The following KATNIP variants were observed in gnomAD, a reference collection of about 807,000 sequenced individuals.
KATNIP encodes katanin-interacting protein.
In KATNIP, 126 loss-of-function variants were observed where a neutral mutation model predicts 174.0. The ratio of observed to expected loss-of-function variants is 0.72; its 90% CI spans 0.63 to 0.84. KATNIP has a LOEUF of 0.84. Among genes scored for constraint, KATNIP ranks in the 40% least tolerant of loss-of-function variants. The probability of loss-of-function intolerance (pLI) is 0.00; values close to 1 mark genes in which losing one functional copy is unlikely to be tolerated. For missense variants in KATNIP, 1,958 were observed against 2,109.7 expected, an observed-to-expected ratio of 0.93 and a Z score of 1.41; for synonymous variants, 810 against 835.7, an observed-to-expected ratio of 0.97 and a Z score of 0.53.
intron 18 of KATNIP, among the ~76,000 whole-genome samples, chr16:27,757,711 T>C (rs2081790586): frequency 6.6e-6 from 1 of 152,212 alleles, no homozygotes; most frequent in African/African-American, 2.4e-5. Flanking sequence ...TCTGCATCTC[T>C]TCTCTCTGAA....
chr16:27,732,052 A>G (rs1250433631), intron 14 of KATNIP, among the ~76,000 whole-genome samples: 3 of 152,234 alleles, frequency 2.0e-5, no homozygotes, highest in Non-Finnish European at 2.9e-5. Flanking sequence ...GAGGCCAGAA[A>G]TGCACTTTGT....
At chr16:27,591,836 C>T (rs1475238078) in intron 2 of KATNIP, among the ~76,000 whole-genome samples, 1 of 152,202 alleles carries the variant, frequency 6.6e-6, no homozygotes, top group East Asian at 1.9e-4. Flanking sequence ...CTGTCTTTTG[C>T]CTCCTGAACT....
Position 27,776,863 on chromosome 16 carries a change from C to A in KATNIP, c.4450-65C>A. On this transcript the variant is annotated intron_variant, in intron 24 of 27. Coordinates refer to ENST00000261588, the MANE Select transcript of KATNIP (RefSeq NM_015202.5). This position sits in a 1 kb window ranked among gnomAD's most constrained non-coding sequence, Gnocchi z 4.7. ...CTCACCCCAGCCCACGCCTGGCACCCCCAGCCCAGCCAAGCGCCTCTGTTT... is the reference window on the plus strand; with the variant it reads ...CTCACCCCAGCCCACGCCTGGCACCACCAGCCCAGCCAAGCGCCTCTGTTT... The A allele has an allele frequency of 1.6e-6, 2 of 1,233,326 alleles. No homozygotes were observed. The highest frequency in any genetic ancestry group is 2.4e-6 in the Non-Finnish European group (2 of 837,066). 76.4% of individuals were successfully genotyped at this position (1,233,326 alleles called of 1,614,324 possible). A position where few individuals can be genotyped will look rare whatever the true frequency, so the allele number is the denominator to read the frequency against.
intron 15 of KATNIP, among the ~76,000 whole-genome samples, chr16:27,749,136 G>GCGCTC (rs2081396848): frequency 6.6e-6 from 1 of 152,214 alleles, no homozygotes; most frequent in South Asian, 2.1e-4. Flanking sequence ...CTACAGTGGG[G>GCGCTC]AGCGACTCCT....
At position 27,776,599 on chromosome 16, in the gene KATNIP, A is replaced by G. The variant is rs75110383; in HGVS notation, c.4450-329A>G. Among the ~76,000 whole-genome samples the G allele has an allele frequency of 1.6e-4, 24 of 152,116 alleles. No individual in the cohort carries two copies. In the East Asian group the frequency reaches 4.6e-3, roughly 29 times the overall value. On this transcript the variant is annotated intron_variant, in intron 24 of 27. Transcript: ENST00000261588. The surrounding 1 kb of genome is among the most constrained non-coding windows in gnomAD (Gnocchi z 4.7). ...GTCCCTTTAGCTCATGGGGCTCTAG[A>G]CTATTTCTGGGCCTGACCTGAGGGG... is the stretch of plus-strand genomic sequence containing the variant.
At chr16:27,571,325 GA>G (rs984993806) in intron 1 of KATNIP, among the ~76,000 whole-genome samples, 1 of 152,054 alleles carries the variant, frequency 6.6e-6, no homozygotes, top group Non-Finnish European at 1.5e-5. Context: ...GAGCCACCAC[GA>G]CTGGCCACAT....
intron 2 of KATNIP, 102 bp downstream of exon 2, chr16:27,574,058 T>C (rs955758725): frequency 1.9e-6 from 2 of 1,027,118 alleles, no homozygotes; most frequent in African/African-American, 1.6e-5. Context: ...CTCTTTTCTC[T>C]TGGGGTCCCA....
chr16:27,608,177 G>GT (rs1026279535), intron 2 of KATNIP, among the ~76,000 whole-genome samples: 10 of 139,510 alleles, frequency 7.2e-5, no homozygotes, highest in East Asian at 2.2e-4. Context: ...TCCAATTCTA[G>GT]TTTTTTTTTC....
chr16:27,660,386 T>C (rs2077433643), intron 6 of KATNIP, among the ~76,000 whole-genome samples: 2 of 152,086 alleles, frequency 1.3e-5, no homozygotes, highest in Non-Finnish European at 2.9e-5. Context: ...CCGTCTCTAT[T>C]AAAAATACAA....
At chr16:27,665,122 GGTT>G (rs937883160) in intron 6 of KATNIP, among the ~76,000 whole-genome samples, 3 of 150,730 alleles carry the variant, frequency 2.0e-5, no homozygotes, top group African/African-American at 4.9e-5. Flanking sequence ...GTTCTCCGGA[GGTT>G]GTTTTTTTTT....
At chr16:27,597,070 G>A (rs962312878) in intron 2 of KATNIP, among the ~76,000 whole-genome samples, 7 of 151,998 alleles carry the variant, frequency 4.6e-5, no homozygotes, top group Non-Finnish European at 1.0e-4. Context: ...GGTGCGTGCT[G>A]TGGTCCCAGC....
In KATNIP at chr16:27,701,671, A is replaced by C. The variant is rs1287539738; in HGVS notation, c.1262A>C (p.Asp421Ala). The change falls in exon 11 of 28, where the codon GAC becomes GCC. Residue 421 changes from aspartate to alanine, a missense_variant. Transcript: ENST00000261588. ...GCCAGGGCCATCAACCAGGCCATGG[A>C]CAGAATTGGGCTTCTGGGAAGCAGG... Reference protein sequence around the residue: ...GGARAINQAMDRIGLLGSRQQ... With the variant: ...GGARAINQAMARIGLLGSRQQ... 2.5e-6 allele frequency: 4 copies of C among 1,605,934 alleles called. No homozygotes were observed.
chr16:27,662,072 A>ATATATATATATATATATATATG (rs2077541390), intron 6 of KATNIP, among the ~76,000 whole-genome samples: 2 of 60,468 alleles, frequency 3.3e-5, no homozygotes, highest in Non-Finnish European at 6.7e-5. Flanking sequence ...ATATATATAT[A>ATATATATATATATATATATATG]CACACATATA....
chr16:27,582,693 G>A (rs1031639360), intron 2 of KATNIP, among the ~76,000 whole-genome samples: 1 of 152,152 alleles, frequency 6.6e-6, no homozygotes, highest in African/African-American at 2.4e-5. Context: ...TTACCTTTTC[G>A]TGATTCGACT....
chr16:27,780,259 T>C lies in KATNIP; in HGVS notation c.*1630T>C, dbSNP rs2082638957. On this transcript the variant is annotated 3_prime_UTR_variant, in exon 28 of 28. Coordinates refer to ENST00000261588, the MANE Select transcript of KATNIP (RefSeq NM_015202.5). ...CCGCAGCTGATGTTTATAATAATCG[T>C]ATGTACTGTGCAATTTAGGAGGGGA... The C allele has an allele frequency of 6.6e-6, 1 of 152,060 alleles. No individual in the cohort carries two copies. Among genetic ancestry groups the C allele is most frequent in the Admixed American group, 6.6e-5 (1 of 15,266 alleles). 9.4% of individuals were successfully genotyped at this position (152,060 alleles called of 1,614,324 possible).
At chr16:27,577,524 T>C (rs1285262686) in intron 2 of KATNIP, among the ~76,000 whole-genome samples, 3 of 152,044 alleles carry the variant, frequency 2.0e-5, no homozygotes, top group Non-Finnish European at 4.4e-5. Flanking sequence ...AAACCCTATC[T>C]CTACTAAAAA....
At chr16:27,772,376 G>A (rs1025004324) in intron 22 of KATNIP, among the ~76,000 whole-genome samples, 4 of 152,232 alleles carry the variant, frequency 2.6e-5, no homozygotes, top group Non-Finnish European at 4.4e-5. Flanking sequence ...CAGGGGAGGT[G>A]AACCCAGGCA....
At chr16:27,605,047 G>C (rs896660062) in intron 2 of KATNIP, among the ~76,000 whole-genome samples, 2 of 152,150 alleles carry the variant, frequency 1.3e-5, no homozygotes, top group African/African-American at 4.8e-5. Context: ...TCCTGCCTCA[G>C]CCTCCTGAGT....
intron 1 of KATNIP, among the ~76,000 whole-genome samples, chr16:27,554,245 C>T (rs1596690657): frequency 1.3e-5 from 2 of 152,266 alleles, no homozygotes; most frequent in East Asian, 3.9e-4. Flanking sequence ...GGGCGATCAC[C>T]TGAGGTCGGG....
Sources: gnomAD v4.1 joint callset for allele counts (sites outside exome capture counted in the v4.1 genomes callset) on GRCh38, gnomAD v4.1.1 for gene constraint, Gnocchi (gnomAD v3.1) non-coding constraint, MANE v1.5 for transcripts, NCBI Gene and HGNC (gene_info 2026-07-23, HGNC 2026-07-21) for gene names.